PLCH1: variants seen among roughly 807,000 people sequenced by gnomAD.
PLCH1 encodes phospholipase C eta 1, also known as 1-phosphatidylinositol 4,5-bisphosphate phosphodiesterase eta-1.
Under a neutral mutation model 126.7 loss-of-function variants are expected in PLCH1, and 60 were observed. The ratio of observed to expected loss-of-function variants is 0.47; its 90% CI spans 0.38 to 0.59. The LOEUF (loss-of-function observed/expected upper bound fraction) is 0.59. Ranked by LOEUF, PLCH1 falls within the 20% of genes least tolerant of loss-of-function variation. PLCH1 has a pLI of 0.00. For missense variants in PLCH1, 1,723 were observed against 2,040.0 expected, an observed-to-expected ratio of 0.84 and a Z score of 2.99; for synonymous variants, 719 against 734.9, an observed-to-expected ratio of 0.98 and a Z score of 0.35.
chr3:155,569,345 A>G (rs1728915179), intron 6 of PLCH1, among the ~76,000 whole-genome samples: 1 of 152,152 alleles, frequency 6.6e-6, no homozygotes, highest in Non-Finnish European at 1.5e-5. Flanking sequence ...GTTTAGGTTT[A>G]ATACTTACAT....
At chr3:155,590,481 G>C (rs954837452) in intron 4 of PLCH1, among the ~76,000 whole-genome samples, 1 of 152,038 alleles carries the variant, frequency 6.6e-6, no homozygotes, top group African/African-American at 2.4e-5. Flanking sequence ...GGGAGGCTGA[G>C]GCAGGAGAAT....
chr3:155,529,382 A>G (rs1446222691), intron 10 of PLCH1, among the ~76,000 whole-genome samples: 1 of 71,504 alleles, frequency 1.4e-5, no homozygotes, highest in Non-Finnish European at 4.1e-5. Flanking sequence ...ATCGAAAATT[A>G]CTATTTGTTT....
intron 10 of PLCH1, among the ~76,000 whole-genome samples, chr3:155,526,661 TCCC>T: frequency 6.6e-6 from 1 of 152,062 alleles, no homozygotes. Context: ...AAGCAGAGCT[TCCC>T]TCAGTTCAGC....
chr3:155,543,408 C>A (rs575784490), intron 10 of PLCH1, among the ~76,000 whole-genome samples: 245 of 152,272 alleles, frequency 1.6e-3, no homozygotes, highest in African/African-American at 5.7e-3. Flanking sequence ...AAATCTACGT[C>A]TGATTGGTGT....
intron 8 of PLCH1, among the ~76,000 whole-genome samples, chr3:155,560,578 C>T (rs770771463): frequency 6.6e-6 from 1 of 152,082 alleles, no homozygotes; most frequent in Non-Finnish European, 1.5e-5. Flanking sequence ...TTAATACCTG[C>T]CCATTTTTTA....
At chr3:155,545,157 G>A (rs1342717991) in intron 10 of PLCH1, among the ~76,000 whole-genome samples, 11 of 151,592 alleles carry the variant, frequency 7.3e-5, no homozygotes, top group African/African-American at 2.7e-4. Context: ...TAATAAAGAA[G>A]AAAAGAGAGA....
At chr3:155,651,718 G>C (rs1359620318) in intron 2 of PLCH1, among the ~76,000 whole-genome samples, 1 of 152,146 alleles carries the variant, frequency 6.6e-6, no homozygotes, top group Non-Finnish European at 1.5e-5. Context: ...TCAATATGAA[G>C]TTACTTACCA....
intron 1 of PLCH1, among the ~76,000 whole-genome samples, chr3:155,718,297 T>G (rs1245610464): frequency 6.6e-6 from 1 of 152,198 alleles, no homozygotes; most frequent in African/African-American, 2.4e-5. Context: ...AGTTCCAAAT[T>G]TTCCATCATC....
At chr3:155,678,239 C>T (rs1250020951) in intron 2 of PLCH1, among the ~76,000 whole-genome samples, 2 of 152,212 alleles carry the variant, frequency 1.3e-5, no homozygotes, top group Non-Finnish European at 2.9e-5. Flanking sequence ...CAGGCTCCTC[C>T]CTGAAAAGGC....
chr3:155,640,238 G>A (rs372489997), intron 2 of PLCH1, among the ~76,000 whole-genome samples: 8 of 152,186 alleles, frequency 5.3e-5, no homozygotes, highest in Non-Finnish European at 1.0e-4. Flanking sequence ...GGAGAGCCAC[G>A]GAGGTCAGAG....
At chr3:155,735,739 C>CAAT (rs1278596040) in intron 1 of PLCH1, among the ~76,000 whole-genome samples, 1 of 151,852 alleles carries the variant, frequency 6.6e-6, no homozygotes, top group Non-Finnish European at 1.5e-5. Context: ...GCTCGATTTA[C>CAAT]CCATTCTGCA....
At chr3:155,495,721 G>A (rs1716939648) in intron 15 of PLCH1, among the ~76,000 whole-genome samples, 1 of 152,142 alleles carries the variant, frequency 6.6e-6, no homozygotes, top group Non-Finnish European at 1.5e-5. Context: ...CTGCCCAACT[G>A]ACAATGATAC....
At chr3:155,554,033 T>C in intron 9 of PLCH1, 43 bp downstream of exon 9, 1 of 1,602,368 alleles carries the variant, frequency 6.2e-7, no homozygotes, top group Non-Finnish European at 8.5e-7. Context: ...CAATGCTCCA[T>C]GCGGGAGGCT....
chr3:155,585,923 C>T (rs1281233858), intron 5 of PLCH1, 142 bp downstream of exon 5: 3 of 624,832 alleles, frequency 4.8e-6, no homozygotes, highest in South Asian at 3.7e-5. Context: ...GAAACAAAAT[C>T]ATTTCTTCAT....
At chr3:155,551,875 A>T (rs910855083) in intron 9 of PLCH1, among the ~76,000 whole-genome samples, 1 of 152,176 alleles carries the variant, frequency 6.6e-6, no homozygotes, top group African/African-American at 2.4e-5. Context: ...CCAAACTTGA[A>T]GTAAATTGTC....
At chr3:155,491,003 T>C in intron 18 of PLCH1, 135 bp from the exon 19 acceptor site, 1 of 582,686 alleles carries the variant, frequency 1.7e-6, no homozygotes, top group Middle Eastern at 4.5e-4. Flanking sequence ...GAAAAAGAAA[T>C]GGTACTAGGT....
rs183029942 is a variant in PLCH1, at chr3:155,690,166, A to G, written c.79+13980T>C. On this transcript the variant is annotated intron_variant, in intron 2 of 22. Transcript: ENST00000460012. Reference sequence around the variant, plus strand: ...ATGACATATTTAAAGTGTTGACAGAAAAAACTTTTACCTTAGAATTAACTT... The same window carrying G: ...ATGACATATTTAAAGTGTTGACAGAGAAAACTTTTACCTTAGAATTAACTT... Among the ~76,000 whole-genome samples the G allele has an allele frequency of 9.2e-5, 14 of 152,316 alleles. No homozygotes were observed. In the East Asian group the frequency reaches 2.5e-3, roughly 27 times the overall value.
intron 21 of PLCH1, 23 bp downstream of exon 21, chr3:155,488,005 T>C (rs1039967426): frequency 7.4e-7 from 1 of 1,360,204 alleles, no homozygotes; most frequent in Admixed American, 1.7e-5. Context: ...GTATATGACT[T>C]TAAATCCTAT....
chr3:155,501,289 AT>A (rs1384172703), intron 13 of PLCH1, among the ~76,000 whole-genome samples: 2 of 152,166 alleles, frequency 1.3e-5, no homozygotes, highest in African/African-American at 4.8e-5. Flanking sequence ...TCTAAATCAA[AT>A]TTCCCTTTTG....
Sources: gnomAD v4.1 joint callset for allele counts (sites outside exome capture counted in the v4.1 genomes callset) on GRCh38, gnomAD v4.1.1 for gene constraint, MANE v1.5 for transcripts, NCBI Gene and HGNC (gene_info 2026-07-23, HGNC 2026-07-21) for gene names.